The following ST6GALNAC5 variants were observed in gnomAD, a reference collection of about 807,000 sequenced individuals.
ST6GALNAC5 encodes the protein ST6 N-acetylgalactosaminide alpha-2,6-sialyltransferase 5.
In ST6GALNAC5, 27 loss-of-function variants were observed where a neutral mutation model predicts 33.6. The observed-to-expected ratio is 0.80, with a 90% CI of 0.59 to 1.11. The LOEUF (loss-of-function observed/expected upper bound fraction) is 1.11. ST6GALNAC5 is among the 50% of genes least tolerant of loss of function. ST6GALNAC5 has a pLI of 0.00. For missense variants in ST6GALNAC5, 428 were observed against 454.0 expected, an observed-to-expected ratio of 0.94 and a Z score of 0.52; for synonymous variants, 194 against 171.2, an observed-to-expected ratio of 1.13 and a Z score of -1.04.
chr1:76,905,780 C>T (rs2100272092), intron 2 of ST6GALNAC5, among the ~76,000 whole-genome samples: 1 of 152,262 alleles, frequency 6.6e-6, no homozygotes, highest in Non-Finnish European at 1.5e-5. Context: ...CATGTATAAA[C>T]TATCAAGAAA....
At chr1:76,987,730 C>A (rs1359012549) in intron 2 of ST6GALNAC5, among the ~76,000 whole-genome samples, 1 of 152,112 alleles carries the variant, frequency 6.6e-6, no homozygotes, top group Non-Finnish European at 1.5e-5. Context: ...AATGTAGTAA[C>A]CCATATAATG....
At chr1:77,053,543 A>G (rs1436176350) in intron 4 of ST6GALNAC5, among the ~76,000 whole-genome samples, 2 of 152,224 alleles carry the variant, frequency 1.3e-5, no homozygotes, top group Non-Finnish European at 2.9e-5. Context: ...TCTGCCTCTC[A>G]GAAACTCTGA....
In ST6GALNAC5 at chr1:77,058,731, G is replaced by A. The variant is rs539430859; in HGVS notation, c.780-4244G>A. On this transcript the variant is annotated intron_variant, in intron 4 of 4. Transcript: ENST00000477717. ...TAGGGGTGTTGTGAGGACTAAATAA[G>A]TGAGTGTATGTGGAGTGCTGAGCAC... is the stretch of plus-strand genomic sequence containing the variant. Among the ~76,000 whole-genome samples the A allele has an allele frequency of 2.0e-4, 30 of 152,344 alleles. No homozygotes were observed. The South Asian group carries it at 6.2e-3, about 32-fold the overall frequency.
chr1:76,966,613 G>A (rs1226453831), intron 2 of ST6GALNAC5, among the ~76,000 whole-genome samples: 4 of 152,132 alleles, frequency 2.6e-5, no homozygotes, highest in Non-Finnish European at 4.4e-5. Flanking sequence ...TGATTGCCCT[G>A]GCCAGAACTT....
At chr1:76,917,051 A>T (rs1646983209) in intron 2 of ST6GALNAC5, among the ~76,000 whole-genome samples, 2 of 152,192 alleles carry the variant, frequency 1.3e-5, no homozygotes, top group South Asian at 4.1e-4. Flanking sequence ...CCTCAGGGTG[A>T]ATGAAAAGTC....
At chr1:76,956,011 T>C (rs956450608) in intron 2 of ST6GALNAC5, among the ~76,000 whole-genome samples, 5 of 152,216 alleles carry the variant, frequency 3.3e-5, no homozygotes, top group African/African-American at 1.2e-4. Context: ...CATGGTTAGT[T>C]ATTTTCTGTT....
intron 2 of ST6GALNAC5, among the ~76,000 whole-genome samples, chr1:76,957,819 A>G (rs954591115): frequency 1.3e-5 from 2 of 152,100 alleles, no homozygotes; most frequent in Non-Finnish European, 2.9e-5. Context: ...ATTTTTTCTA[A>G]AAACATTCTT....
At chr1:77,010,158 A>C (rs554031494) in intron 2 of ST6GALNAC5, among the ~76,000 whole-genome samples, 4 of 152,180 alleles carry the variant, frequency 2.6e-5, no homozygotes, top group African/African-American at 4.8e-5. Context: ...TCAGTGATCA[A>C]TAAGTGTTAA....
chr1:76,900,349 G>GGGGATATGA (rs5775366), intron 2 of ST6GALNAC5, among the ~76,000 whole-genome samples: 52,075 of 151,526 alleles, frequency 0.34, 10,099 homozygotes, highest in Non-Finnish European at 0.44. Context: ...GCAGGTCACA[G>GGGGATATGA]GGGATATGAT....
At chr1:77,060,899 A>G (rs1652554992) in intron 4 of ST6GALNAC5, among the ~76,000 whole-genome samples, 1 of 152,180 alleles carries the variant, frequency 6.6e-6, no homozygotes, top group Non-Finnish European at 1.5e-5. Context: ...TGATGGAATA[A>G]AAGCTTAACC....
At chr1:76,891,803 C>T (rs540731030) in intron 2 of ST6GALNAC5, among the ~76,000 whole-genome samples, 1 of 152,236 alleles carries the variant, frequency 6.6e-6, no homozygotes, top group African/African-American at 2.4e-5. Context: ...TGTAGATATC[C>T]AGTTGTCCAA....
In ST6GALNAC5 at chr1:76,868,840, G is replaced by T; in HGVS notation, c.261+98G>T. ...CGGGGCTGGGAGGCGCTGTGAGTAG[G>T]TGCCGTTCGAAGGCTGGAGGGGAGT... On this transcript the variant is annotated intron_variant, in intron 2 of 4. Coordinates refer to ENST00000477717, the MANE Select transcript of ST6GALNAC5 (RefSeq NM_030965.3). The surrounding 1 kb of genome is among the most constrained non-coding windows in gnomAD (Gnocchi z 4.3). 7.0e-7 allele frequency: 1 copy of T among 1,423,990 alleles called. No individual in the cohort carries two copies. Among genetic ancestry groups the T allele is most frequent in the Non-Finnish European group, 9.1e-7 (1 of 1,094,794 alleles). The allele number at this position is 1,423,990 out of a possible 1,614,324, so 88.2% of individuals were successfully genotyped here.
chr1:76,995,848 G>A (rs1228527849), intron 2 of ST6GALNAC5, among the ~76,000 whole-genome samples: 1 of 152,158 alleles, frequency 6.6e-6, no homozygotes, highest in Non-Finnish European at 1.5e-5. Flanking sequence ...TATGAAGAAA[G>A]GGACTATGTA....
intron 2 of ST6GALNAC5, among the ~76,000 whole-genome samples, chr1:76,893,385 G>A (rs922239280): frequency 6.6e-6 from 1 of 152,130 alleles, no homozygotes; most frequent in African/African-American, 2.4e-5. Context: ...GAAAATTAGG[G>A]TATAAAACTT....
At chr1:76,951,725 C>T (rs1647754064) in intron 2 of ST6GALNAC5, among the ~76,000 whole-genome samples, 1 of 152,082 alleles carries the variant, frequency 6.6e-6, no homozygotes, top group African/African-American at 2.4e-5. Flanking sequence ...ATAAAGAGCA[C>T]ATAATTTACA....
rs141580907 is a variant in ST6GALNAC5 at position 77,041,041 on chromosome 1, G to A, written c.262-3163G>A. On this transcript the variant is annotated intron_variant, in intron 2 of 4. Transcript: ENST00000477717. ...GTCTCTACTTCCTCAATCCGACCAC[G>A]ATCACACTCTTGTCACTTCTGTTCA... Among the ~76,000 whole-genome samples, 128 of 152,296 alleles carry A rather than the reference G, an allele frequency of 8.4e-4. 2 individuals carry two copies. The highest frequency in any genetic ancestry group is 3.4e-3 in the Middle Eastern group (1 of 294).
chr1:76,923,400 G>A (rs922647203), intron 2 of ST6GALNAC5, among the ~76,000 whole-genome samples: 1 of 151,978 alleles, frequency 6.6e-6, no homozygotes, highest in Non-Finnish European at 1.5e-5. Flanking sequence ...ATGAGTAAAA[G>A]GATTACCCAC....
At chr1:77,032,572 A>G (rs1176559770) in intron 2 of ST6GALNAC5, among the ~76,000 whole-genome samples, 1 of 152,148 alleles carries the variant, frequency 6.6e-6, no homozygotes, top group Non-Finnish European at 1.5e-5. Flanking sequence ...TTGAGCCATA[A>G]TAATACTAAT....
chr1:77,017,940 G>A (rs1015092900), intron 2 of ST6GALNAC5, among the ~76,000 whole-genome samples: 6 of 152,172 alleles, frequency 3.9e-5, no homozygotes, highest in Non-Finnish European at 8.8e-5. Flanking sequence ...CCCTGCCTCA[G>A]TTTCTTCATC....
Sources: allele counts gnomAD v4.1 joint callset (sites outside exome capture counted in the v4.1 genomes callset), GRCh38; gene constraint gnomAD v4.1.1; non-coding constraint Gnocchi (gnomAD v3.1); transcripts MANE v1.5; gene names NCBI Gene and HGNC (gene_info 2026-07-23, HGNC 2026-07-21).